The following DOK6 variants were observed in gnomAD, a reference collection of about 807,000 sequenced individuals.
DOK6 encodes downstream of tyrosine kinase 6.
A neutral mutation model predicts 44.0 loss-of-function variants in DOK6; 22 were observed. The observed-to-expected ratio is 0.50, with a 90% CI of 0.36 to 0.71. The LOEUF (loss-of-function observed/expected upper bound fraction) is 0.71, where lower values mean the gene tolerates loss of function less well. DOK6 is among the 30% of genes least tolerant of loss of function. The probability of loss-of-function intolerance (pLI) is 0.00; values close to 1 mark genes in which losing one functional copy is unlikely to be tolerated. For synonymous variants in DOK6, 166 were observed against 145.5 expected (o/e 1.14, Z -1.01); for missense variants, 340 against 416.4 (o/e 0.82, Z 1.60).
intron 1 of DOK6, among the ~76,000 whole-genome samples, chr18:69,562,443 G>C (rs896414884): frequency 6.6e-6 from 1 of 152,198 alleles, no homozygotes; most frequent in Non-Finnish European, 1.5e-5. Flanking sequence ...TAGCCTTGCA[G>C]TATAGTTTGA....
chr18:69,606,483 G>A (rs1415698068), intron 3 of DOK6, among the ~76,000 whole-genome samples: 1 of 151,900 alleles, frequency 6.6e-6, no homozygotes, highest in East Asian at 1.9e-4. Flanking sequence ...TTTTCTTAAA[G>A]ATGTGGTACA....
chr18:69,604,634 T>A (rs1414934514), intron 3 of DOK6, among the ~76,000 whole-genome samples: 2 of 152,204 alleles, frequency 1.3e-5, no homozygotes, highest in Non-Finnish European at 2.9e-5. Flanking sequence ...AGATTTTTTT[T>A]AATTGTCTCA....
intron 1 of DOK6, among the ~76,000 whole-genome samples, chr18:69,449,515 T>C (rs551054545): frequency 3.5e-4 from 54 of 152,374 alleles, no homozygotes; most frequent in African/African-American, 1.2e-3. Context: ...CAAAACTTTA[T>C]TGGGTCTTAA....
chr18:69,492,370 C>A (rs569017770), intron 1 of DOK6, among the ~76,000 whole-genome samples: 1 of 151,888 alleles, frequency 6.6e-6, no homozygotes, highest in Admixed American at 6.6e-5. Flanking sequence ...TTCTAATAAA[C>A]CCCTTATTTC....
intron 6 of DOK6, among the ~76,000 whole-genome samples, chr18:69,745,092 C>CT (rs1412828297): frequency 6.6e-6 from 1 of 152,074 alleles, no homozygotes; most frequent in Non-Finnish European, 1.5e-5. Flanking sequence ...CTATCATGTT[C>CT]TTTTTTCTTA....
intron 1 of DOK6, among the ~76,000 whole-genome samples, chr18:69,475,775 G>A (rs926013910): frequency 2.0e-5 from 3 of 151,152 alleles, no homozygotes; most frequent in Non-Finnish European, 3.0e-5. Flanking sequence ...GCTTTCACTA[G>A]AAAAAAAAAT....
Position 69,682,304 on chromosome 18 carries a change from C to T in DOK6, c.409+4451C>T, listed in dbSNP as rs140717939. ...CAAACATAAACAAAGTGCATCAATT[C>T]ATGTTTTGTAAAATAATGTTGTGTT... On this transcript the variant is annotated intron_variant, in intron 4 of 7. Transcript: ENST00000382713. Among the ~76,000 whole-genome samples, 581 of 152,274 alleles carry T rather than the reference C, an allele frequency of 3.8e-3. 3 individuals are homozygous for T. Among genetic ancestry groups the T allele is most frequent in the African/African-American group, 0.013 (556 of 41,548 alleles).
chr18:69,701,602 G>T (rs754638719), intron 5 of DOK6, among the ~76,000 whole-genome samples: 3 of 152,072 alleles, frequency 2.0e-5, no homozygotes, highest in Non-Finnish European at 2.9e-5. Context: ...GCGAACCCCT[G>T]ATCTTTTGTA....
intron 1 of DOK6, among the ~76,000 whole-genome samples, chr18:69,544,888 T>C (rs567437837): frequency 1.3e-5 from 2 of 151,430 alleles, no homozygotes; most frequent in Non-Finnish European, 3.0e-5. Context: ...CCTAGCACTT[T>C]AGGAGGCTGA....
chr18:69,512,609 G>C (rs1192879270), intron 1 of DOK6, among the ~76,000 whole-genome samples: 3 of 152,098 alleles, frequency 2.0e-5, no homozygotes, highest in Non-Finnish European at 2.9e-5. Flanking sequence ...CTCCAAAAGT[G>C]CTGGGATTAC....
At chr18:69,571,049 A>G (rs1365168842) in intron 2 of DOK6, among the ~76,000 whole-genome samples, 1 of 152,044 alleles carries the variant, frequency 6.6e-6, no homozygotes, top group Non-Finnish European at 1.5e-5. Context: ...TACATGATTT[A>G]TAATGTATGA....
intron 1 of DOK6, among the ~76,000 whole-genome samples, chr18:69,478,327 T>A (rs1980324982): frequency 6.6e-6 from 1 of 152,208 alleles, no homozygotes; most frequent in East Asian, 1.9e-4. Context: ...TTCTTGTACG[T>A]TGAACATAAA....
chr18:69,671,942 T>A (rs1221112308), intron 3 of DOK6, among the ~76,000 whole-genome samples: 1 of 152,196 alleles, frequency 6.6e-6, no homozygotes, highest in Non-Finnish European at 1.5e-5. Context: ...GGCAGAACAA[T>A]CGCTCATTGA....
chr18:69,407,356 C>G (rs1916224428), intron 1 of DOK6, among the ~76,000 whole-genome samples: 1 of 152,082 alleles, frequency 6.6e-6, no homozygotes, highest in African/African-American at 2.4e-5. Context: ...AAATGCAGTG[C>G]TGGTTTTGAG....
intron 6 of DOK6, among the ~76,000 whole-genome samples, chr18:69,739,788 T>C (rs1227514525): frequency 6.6e-6 from 1 of 152,174 alleles, no homozygotes. Context: ...ATGAGTATTG[T>C]TTTTTCTCTA....
intron 1 of DOK6, chr18:69,483,741 T>C (rs1232685975): frequency 6.6e-6 from 1 of 152,112 alleles, no homozygotes; most frequent in Non-Finnish European, 1.5e-5. Flanking sequence ...ACTTGCTTAA[T>C]TACAACAGTG....
chr18:69,418,070 C>T (rs1046747900), intron 1 of DOK6, among the ~76,000 whole-genome samples: 3 of 152,114 alleles, frequency 2.0e-5, no homozygotes, highest in Non-Finnish European at 4.4e-5. Flanking sequence ...GATGTGATCC[C>T]ATTTGCCCAT....
At chr18:69,653,359 C>T (rs1985281158) in intron 3 of DOK6, among the ~76,000 whole-genome samples, 1 of 151,020 alleles carries the variant, frequency 6.6e-6, no homozygotes, top group Non-Finnish European at 1.5e-5. Flanking sequence ...GCAGCCAGGA[C>T]TTGGGGAGCT....
chr18:69,636,503 A>AG, intron 3 of DOK6, among the ~76,000 whole-genome samples: 1 of 152,230 alleles, frequency 6.6e-6, no homozygotes. Context: ...ATAGTTAACA[A>AG]GGTAGTCTAT....
Sources: allele counts gnomAD v4.1 joint callset (sites outside exome capture counted in the v4.1 genomes callset), GRCh38; gene constraint gnomAD v4.1.1; transcripts MANE v1.5; gene names NCBI Gene and HGNC (gene_info 2026-07-23, HGNC 2026-07-21).